ITPA: variants seen among roughly 807,000 people sequenced by gnomAD.
The protein encoded by ITPA is inosine triphosphatase.
ITPA carries 29 observed loss-of-function variants against 29.6 expected under a neutral mutation model. The ratio of observed to expected loss-of-function variants is 0.98; its 90% confidence interval spans 0.73 to 1.34. The LOEUF is 1.34. ITPA is among the 40% of genes most tolerant of loss of function. ITPA has a pLI of 0.00. For missense variants in ITPA, 241 were observed against 251.5 expected (o/e 0.96, Z 0.28); for synonymous variants, 103 against 99.3 (o/e 1.04, Z -0.22).
At chr20:3,204,399 A>C, upstream of ITPA, 1 of 846,612 alleles carries the variant, frequency 1.2e-6, no homozygotes, top group Non-Finnish European at 1.8e-6. Flanking sequence ...CCCACCCGGC[A>C]CACGACTAGC....
chr20:3,205,556 C>A (rs1254123289), upstream of ITPA, among the ~76,000 whole-genome samples: 3 of 151,862 alleles, frequency 2.0e-5, no homozygotes, highest in Non-Finnish European at 2.9e-5. Context: ...AAAAATTAGC[C>A]AGGTGTGGTG....
intron 6 of ITPA, among the ~76,000 whole-genome samples, chr20:3,219,537 G>C (rs976293577): frequency 1.3e-5 from 2 of 151,972 alleles, no homozygotes; most frequent in Non-Finnish European, 2.9e-5. Flanking sequence ...CTGAGGTCAG[G>C]AGTTCAAGAA....
chr20:3,211,720 C>T (rs143030216), intron 1 of ITPA, among the ~76,000 whole-genome samples: 2,354 of 152,128 alleles, frequency 0.015, 51 homozygotes, highest in African/African-American at 0.054. Context: ...CTCGAACTCC[C>T]GACCTCAGGT....
intron 5 of ITPA, among the ~76,000 whole-genome samples, chr20:3,217,970 T>C (rs149878339): frequency 0.016 from 2,355 of 151,252 alleles, 65 homozygotes; most frequent in African/African-American, 0.054. Flanking sequence ...CAGGCTGGAG[T>C]GCAGTGGCCC....
chr20:3,215,426 G>T, intron 5 of ITPA, 114 bp downstream of exon 5: 1 of 908,426 alleles, frequency 1.1e-6, no homozygotes. Context: ...CCCCACCATG[G>T]AGCCTCCACC....
intron 4 of ITPA, 81 bp from the exon 5 acceptor site, chr20:3,215,200 G>C: frequency 7.0e-7 from 1 of 1,424,468 alleles, no homozygotes; most frequent in Non-Finnish European, 9.9e-7. Flanking sequence ...CCCCTTGGCT[G>C]TCAATAGGGA....
intron 1 of ITPA, among the ~76,000 whole-genome samples, chr20:3,211,680 A>T (rs2067177735): frequency 6.6e-6 from 1 of 151,932 alleles, no homozygotes; most frequent in South Asian, 2.1e-4. Flanking sequence ...TTTAGTGGAG[A>T]TGGGGTTTCT....
chr20:3,214,043 TC>T lies in ITPA; in HGVS notation c.252del (p.Gly85AlafsTer4), dbSNP rs760003902. The T allele has an allele frequency of 1.2e-6, 2 of 1,614,010 alleles. No individual in the cohort carries two copies. Among genetic ancestry groups the T allele is most frequent in the African/African-American group, 2.7e-5 (2 of 74,908 alleles). On this transcript the variant is annotated frameshift_variant, in exon 4 of 8. Transcript: ENST00000380113. LOFTEE classifies it high-confidence loss of function. The stretch of plus-strand genomic sequence containing the variant: ...CTGTGCTTCAATGCCCTTGGAGGGC[TC>T]CCCGGCCCCTACATGTGAGTGACTA... ...TCLCFNALGG[L>X]PGPYIKWFLE...
chr20:3,221,133 C>T (rs1431849071), intron 6 of ITPA, among the ~76,000 whole-genome samples: 1 of 151,968 alleles, frequency 6.6e-6, no homozygotes, highest in Non-Finnish European at 1.5e-5. Context: ...CTCAAGTGAT[C>T]TTCCCACCTC....
chr20:3,216,851 C>T (rs1369373448), intron 5 of ITPA, among the ~76,000 whole-genome samples: 1 of 152,062 alleles, frequency 6.6e-6, no homozygotes, highest in Non-Finnish European at 1.5e-5. Flanking sequence ...TCCCAAAGTG[C>T]TGGGATTACG....
intron 6 of ITPA, 97 bp downstream of exon 6, chr20:3,218,729 G>A: frequency 3.7e-6 from 3 of 809,770 alleles, no homozygotes; most frequent in South Asian, 1.4e-5. Context: ...TGGTGGGAGG[G>A]GCGCCTTGGG....
At position 3,209,653 on chromosome 20, in the gene ITPA, G is replaced by T; in HGVS notation, c.66+36G>T. On this transcript the variant is annotated intron_variant, in intron 1 of 7. Transcript: ENST00000380113. The surrounding 1 kb of genome is among the most constrained non-coding windows in gnomAD (Gnocchi z 4.6). ...GGTGTTGGGGGCTAACTGGGAGGCGGCTGGGAATAGGGCGGAGAAGGGGCT... is the reference window on the plus strand; with the variant it reads ...GGTGTTGGGGGCTAACTGGGAGGCGTCTGGGAATAGGGCGGAGAAGGGGCT... 6.3e-7 allele frequency: 1 copy of T among 1,584,118 alleles called. No homozygotes were observed. The highest frequency in any genetic ancestry group is 2.2e-5 in the East Asian group (1 of 44,694).
At chr20:3,207,142 A>G (rs2067076950), upstream of ITPA, among the ~76,000 whole-genome samples, 1 of 152,148 alleles carries the variant, frequency 6.6e-6, no homozygotes, top group Non-Finnish European at 1.5e-5. Flanking sequence ...CCCAGGCTAG[A>G]GTACAGTGGC....
chr20:3,227,249 G>A (rs1250284249), downstream of ITPA, among the ~76,000 whole-genome samples: 1 of 152,228 alleles, frequency 6.6e-6, no homozygotes, highest in Non-Finnish European at 1.5e-5. Context: ...AGGCCTCCTG[G>A]ATCTTCCATG....
intron 5 of ITPA, among the ~76,000 whole-genome samples, chr20:3,215,727 C>T (rs1044530141): frequency 2.6e-5 from 4 of 152,178 alleles, no homozygotes; most frequent in Non-Finnish European, 5.9e-5. Context: ...ACTCTGTTGC[C>T]CAGGCTGGAG....
At chr20:3,204,841 G>C (rs529636944), upstream of ITPA, among the ~76,000 whole-genome samples, 5 of 151,884 alleles carry the variant, frequency 3.3e-5, no homozygotes, top group African/African-American at 1.2e-4. Flanking sequence ...GGTATGTCCA[G>C]TAGAAAACAT....
chr20:3,222,303 C>T (rs2067485894), intron 7 of ITPA, among the ~76,000 whole-genome samples: 1 of 151,550 alleles, frequency 6.6e-6, no homozygotes, highest in Non-Finnish European at 1.5e-5. Flanking sequence ...ACTCACTGCA[C>T]CCTCTGCCTC....
upstream of ITPA, among the ~76,000 whole-genome samples, chr20:3,208,438 C>T (rs1219432590): frequency 6.6e-6 from 1 of 152,152 alleles, no homozygotes; most frequent in Non-Finnish European, 1.5e-5. Context: ...TCCGATGGCA[C>T]GATCTCCGCT....
chr20:3,221,203 T>C (rs542101866), intron 6 of ITPA, among the ~76,000 whole-genome samples: 10 of 146,244 alleles, frequency 6.8e-5, no homozygotes, highest in South Asian at 4.2e-4. Flanking sequence ...GATTTTCTTT[T>C]TCTTTTCTTT....
Sources: allele counts gnomAD v4.1 joint callset (sites outside exome capture counted in the v4.1 genomes callset), GRCh38; gene constraint gnomAD v4.1.1; non-coding constraint Gnocchi (gnomAD v3.1); transcripts MANE v1.5; gene names NCBI Gene and HGNC (gene_info 2026-07-23, HGNC 2026-07-21).